TCERG1L: variants seen among roughly 807,000 people sequenced by gnomAD.
TCERG1L encodes transcription elongation regulator 1-like protein.
In TCERG1L, 37 loss-of-function variants were observed where a neutral mutation model predicts 56.3. The ratio of observed to expected loss-of-function variants is 0.66; its 90% CI spans 0.51 to 0.87. TCERG1L has a LOEUF of 0.87. Ranked by LOEUF, TCERG1L falls within the 40% of genes least tolerant of loss-of-function variation. TCERG1L has a pLI of 0.00. For missense variants in TCERG1L, 799 were observed against 774.2 expected, an observed-to-expected ratio of 1.03 and a Z score of -0.38; for synonymous variants, 324 against 326.3, an observed-to-expected ratio of 0.99 and a Z score of 0.08.
At chr10:131,295,395 G>T (rs1846678772) in intron 3 of TCERG1L, among the ~76,000 whole-genome samples, 1 of 152,198 alleles carries the variant, frequency 6.6e-6, no homozygotes, top group African/African-American at 2.4e-5. Context: ...GTTCCGTGTT[G>T]CATTCCCACC....
intron 4 of TCERG1L, among the ~76,000 whole-genome samples, chr10:131,243,193 C>T (rs1210718501): frequency 6.6e-6 from 1 of 152,188 alleles, no homozygotes; most frequent in Non-Finnish European, 1.5e-5. Flanking sequence ...CACTCACGCC[C>T]TGTGAGTGTC....
intron 8 of TCERG1L, among the ~76,000 whole-genome samples, chr10:131,130,695 T>C (rs140344871): frequency 4.8e-4 from 73 of 152,304 alleles, no homozygotes; most frequent in Admixed American, 1.4e-3. Context: ...GAGATTGTGA[T>C]AAATTTATAC....
At chr10:131,261,216 T>C (rs1242211040) in intron 3 of TCERG1L, among the ~76,000 whole-genome samples, 1 of 152,250 alleles carries the variant, frequency 6.6e-6, no homozygotes, top group Admixed American at 6.5e-5. Flanking sequence ...AAAACATTTT[T>C]TCTTTTAAAA....
At chr10:131,126,956 G>A (rs182202770) in intron 8 of TCERG1L, among the ~76,000 whole-genome samples, 102 of 152,214 alleles carry the variant, frequency 6.7e-4, no homozygotes, top group African/African-American at 2.3e-3. Flanking sequence ...CATAGCTGAC[G>A]AGGCTGATTA....
At chr10:131,094,619 C>G (rs1189187472) in intron 11 of TCERG1L, among the ~76,000 whole-genome samples, 1 of 152,138 alleles carries the variant, frequency 6.6e-6, no homozygotes, top group Non-Finnish European at 1.5e-5. Context: ...GCGCTTCTCT[C>G]TGGCTTCCCT....
chr10:131,097,310 T>G (rs1355108953), intron 11 of TCERG1L, among the ~76,000 whole-genome samples: 1 of 152,202 alleles, frequency 6.6e-6, no homozygotes, highest in Non-Finnish European at 1.5e-5. Context: ...ACTTACAGTT[T>G]TATAGTTCTA....
intron 6 of TCERG1L, among the ~76,000 whole-genome samples, chr10:131,160,468 A>T (rs1198361918): frequency 1.3e-5 from 2 of 152,012 alleles, no homozygotes; most frequent in South Asian, 2.1e-4. Context: ...ACTCCCTCTG[A>T]CCACAGCCAC....
In TCERG1L at chr10:131,116,333, A is replaced by C. The variant is rs147335094; in HGVS notation, c.1395+466T>G. Among the ~76,000 whole-genome samples the C allele has an allele frequency of 4.7e-3, 716 of 152,320 alleles. 4 individuals carry two copies. The highest frequency in any genetic ancestry group is 8.1e-3 in the Non-Finnish European group (548 of 68,022). On this transcript the variant is annotated intron_variant, in intron 9 of 11. Coordinates refer to ENST00000368642, the MANE Select transcript of TCERG1L (RefSeq NM_174937.4). ...AGATAACCCCATGGGGAAGCTAAAC[A>C]GTGAGGTCGGGCACCGCGACTGGCC...
At chr10:131,150,883 TA>T (rs1845856649) in intron 6 of TCERG1L, among the ~76,000 whole-genome samples, 1 of 152,152 alleles carries the variant, frequency 6.6e-6, no homozygotes, top group Admixed American at 6.5e-5. Context: ...TCAGGAAACT[TA>T]CAATCATGGC....
chr10:131,172,888 ATTTTTT>A (rs3065371), intron 4 of TCERG1L, among the ~76,000 whole-genome samples: 1 of 135,466 alleles, frequency 7.4e-6, no homozygotes, highest in African/African-American at 2.8e-5. Context: ...ATAATCAATG[ATTTTTT>A]TTTTTTTTTT....
chr10:131,239,508 G>A (rs1479911105), intron 4 of TCERG1L, among the ~76,000 whole-genome samples: 2 of 152,332 alleles, frequency 1.3e-5, no homozygotes, highest in Middle Eastern at 6.8e-3. Context: ...ATGAAAACAA[G>A]TTTGGTAAAA....
chr10:131,121,070 C>T lies in TCERG1L; in HGVS notation c.1260-4136G>A, dbSNP rs546919335. 4.6e-5 allele frequency among the ~76,000 whole-genome samples: 7 copies of T among 152,292 alleles called. 1 individual carries two copies. In the South Asian group the frequency reaches 8.3e-4, roughly 18 times the overall value. ...CAGAGGGGCTTCTGGTTGGTGTTCCCGCTAACACAATCATTTGAGAGACTC... is the reference window on the plus strand; with the variant it reads ...CAGAGGGGCTTCTGGTTGGTGTTCCTGCTAACACAATCATTTGAGAGACTC... On this transcript the variant is annotated intron_variant, in intron 8 of 11. Coordinates refer to ENST00000368642, the MANE Select transcript of TCERG1L (RefSeq NM_174937.4).
intron 3 of TCERG1L, among the ~76,000 whole-genome samples, chr10:131,283,408 G>A (rs1846485415): frequency 6.6e-6 from 1 of 152,234 alleles, no homozygotes; most frequent in South Asian, 2.1e-4. Flanking sequence ...AGATGCAAAT[G>A]TAAGGCTTCC....
At chr10:131,173,721 G>A (rs910965426) in intron 4 of TCERG1L, among the ~76,000 whole-genome samples, 5 of 152,246 alleles carry the variant, frequency 3.3e-5, no homozygotes, top group African/African-American at 9.6e-5. Context: ...GTGCCATGTA[G>A]TGCAGGGAAG....
intron 8 of TCERG1L, among the ~76,000 whole-genome samples, chr10:131,119,094 TC>T (rs1293006891): frequency 6.6e-6 from 1 of 152,062 alleles, no homozygotes; most frequent in Non-Finnish European, 1.5e-5. Flanking sequence ...CAGGAAAAGG[TC>T]ATCTAGTGGC....
Position 131,195,263 on chromosome 10 carries a change from T to C in TCERG1L, c.857-28378A>G, listed in dbSNP as rs116657121. Among the ~76,000 whole-genome samples, 492 of 152,310 alleles carry C rather than the reference T, an allele frequency of 3.2e-3. 1 individual carries two copies. The highest frequency in any genetic ancestry group is 0.014 in the Middle Eastern group (4 of 292). On this transcript the variant is annotated intron_variant, in intron 4 of 11. Transcript: ENST00000368642. ...CCTGATCACAGCTTTTATCTGCCCATACCTGGCCGGTGGGTGTGGCTGTCT... is the reference window on the plus strand; with the variant it reads ...CCTGATCACAGCTTTTATCTGCCCACACCTGGCCGGTGGGTGTGGCTGTCT...
At chr10:131,269,186 G>A (rs11017854) in intron 3 of TCERG1L, among the ~76,000 whole-genome samples, 3 of 13,166 alleles carry the variant, frequency 2.3e-4, no homozygotes, top group South Asian at 4.1e-3. Context: ...ATTTCTATTT[G>A]TTTGTTTGTT....
chr10:131,278,948 G>A (rs919741196), intron 3 of TCERG1L, among the ~76,000 whole-genome samples: 1 of 152,122 alleles, frequency 6.6e-6, no homozygotes, highest in Non-Finnish European at 1.5e-5. Context: ...CTCCCTCCGG[G>A]CCCTTCTGCT....
intron 3 of TCERG1L, among the ~76,000 whole-genome samples, chr10:131,290,517 G>A (rs566766312): frequency 6.6e-6 from 1 of 151,162 alleles, no homozygotes; most frequent in South Asian, 2.1e-4. Context: ...TGTAATCCAA[G>A]ATACTTGGGA....
Sources: allele counts gnomAD v4.1 joint callset (sites outside exome capture counted in the v4.1 genomes callset), GRCh38; gene constraint gnomAD v4.1.1; transcripts MANE v1.5; gene names NCBI Gene and HGNC (gene_info 2026-07-23, HGNC 2026-07-21).